The following TSPAN32 variants were observed in gnomAD, a reference collection of about 807,000 sequenced individuals.
TSPAN32 encodes tetraspanin-32.
Under a neutral mutation model 42.7 loss-of-function variants are expected in TSPAN32, and 47 were observed. That is an observed-to-expected ratio of 1.10 (90% CI 0.87 to 1.40). TSPAN32 has a LOEUF of 1.40. TSPAN32 is among the 40% of genes most tolerant of loss of function. TSPAN32 has a pLI of 0.00. For synonymous variants in TSPAN32, 175 were observed against 175.9 expected (o/e 0.99, Z 0.04); for missense variants, 469 against 424.1 (o/e 1.11, Z -0.93).
intron 2 of TSPAN32, 64 bp downstream of exon 2, chr11:2,303,022 G>A: frequency 1.4e-6 from 2 of 1,458,262 alleles, no homozygotes; most frequent in Non-Finnish European, 1.9e-6. Context: ...GCTGGCACGA[G>A]CCCAGCTGGA....
At position 2,316,245 on chromosome 11, in the gene TSPAN32, T is replaced by G; in HGVS notation, c.560T>G (p.Ile187Ser). The G allele has an allele frequency of 1.3e-6, 2 of 1,594,740 alleles. No individual in the cohort carries two copies. The highest frequency in any genetic ancestry group is 1.7e-6 in the Non-Finnish European group (2 of 1,172,138). The change falls in exon 7 of 10, where the codon ATC (isoleucine) becomes AGC (serine). Residue 187 changes from isoleucine to serine, a missense_variant. Ile to Ser is a moderately radical substitution (Grantham distance 142, BLOSUM62 -2). Coordinates refer to ENST00000182290, the MANE Select transcript of TSPAN32 (RefSeq NM_139022.3). ...CTCTCACAGGACTGCCTTCAGGGCA[T>G]CCGGAGCTTCCTGAGGACACACCAG... ...EAAREDCLQGIRSFLRTHQQV... is the reference protein window; with the variant it reads ...EAAREDCLQGSRSFLRTHQQV...
At chr11:2,302,271 G>T in intron 1 of TSPAN32, 56 bp downstream of exon 1, 1 of 1,339,312 alleles carries the variant, frequency 7.5e-7, no homozygotes, top group South Asian at 2.2e-5. Flanking sequence ...AGGGGTGAGG[G>T]GTGGCAGGGC....
At position 2,317,979 on chromosome 11, in the gene TSPAN32, C is replaced by T; in HGVS notation, c.*55C>T. On this transcript the variant is annotated 3_prime_UTR_variant, in exon 10 of 10. Coordinates refer to ENST00000182290, the MANE Select transcript of TSPAN32 (RefSeq NM_139022.3). The surrounding 1 kb of genome is among the most constrained non-coding windows in gnomAD (Gnocchi z 6.2). Reference sequence around the variant, plus strand: ...CTGGAGGCTCCGGGGAAGCATCTGCCTCCAGGACCATTCAGGCTGTTGACA... The same window carrying T: ...CTGGAGGCTCCGGGGAAGCATCTGCTTCCAGGACCATTCAGGCTGTTGACA... 1 of 768,708 alleles carries T rather than the reference C, an allele frequency of 1.3e-6. No individual in the cohort carries two copies. Among genetic ancestry groups the T allele is most frequent in the Non-Finnish European group, 2.4e-6 (1 of 424,532 alleles). 47.6% of individuals were successfully genotyped at this position (768,708 alleles called of 1,614,324 possible).
In TSPAN32 at chr11:2,317,497, C is replaced by T. The variant is rs759782726; in HGVS notation, c.873C>T (p.Pro291=). The change falls in exon 9 of 10, where the codon CCC becomes CCT. Residue 291 remains proline, a synonymous_variant. Coordinates refer to ENST00000182290, the MANE Select transcript of TSPAN32 (RefSeq NM_139022.3). The surrounding 1 kb of genome is among the most constrained non-coding windows in gnomAD (Gnocchi z 6.2). Reference sequence around the variant, plus strand: ...AGGAGAGCGATGCTGCGCCTCTGCCCCTCTCCTGCCACCTGGCTGCCCACA... The same window carrying T: ...AGGAGAGCGATGCTGCGCCTCTGCCTCTCTCCTGCCACCTGGCTGCCCACA... ...WLQESDAAPL[P]LSCHLAAHRA... 1.1e-5 allele frequency: 17 copies of T among 1,590,244 alleles called. No homozygotes were observed. The East Asian group carries it at 3.9e-4, about 36-fold the overall frequency.
At chr11:2,314,339 G>A (rs1848654327) in intron 5 of TSPAN32, 146 bp from the exon 6 acceptor site, 6 of 708,090 alleles carry the variant, frequency 8.5e-6, no homozygotes, top group Admixed American at 6.2e-5. Flanking sequence ...AGCCCCAGCA[G>A]AAGCAGCTGC....
At chr11:2,314,089 G>A (rs943398719) in intron 5 of TSPAN32, among the ~76,000 whole-genome samples, 4 of 151,290 alleles carry the variant, frequency 2.6e-5, no homozygotes, top group African/African-American at 4.9e-5. Flanking sequence ...GGAGGAGGTT[G>A]AGGCAGGTGA....
chr11:2,302,930 G>A lies in TSPAN32; in HGVS notation c.153G>A (p.Lys51=). ...TCATCCGCCGAGCGTCCCTGGAGAAGAACCCGTACCAGGCTGTGCACCAAT... is the reference window on the plus strand; with the variant it reads ...TCATCCGCCGAGCGTCCCTGGAGAAAAACCCGTACCAGGCTGTGCACCAAT... ...FAVIRRASLE[K]NPYQAVHQWA... is the part of the protein sequence containing the mutation. Residue 51 remains lysine (K), a synonymous_variant, in exon 2 of 10, where the codon AAG becomes AAA. Coordinates refer to ENST00000182290, the MANE Select transcript of TSPAN32 (RefSeq NM_139022.3). 1 of 1,613,686 alleles carries A rather than the reference G, an allele frequency of 6.2e-7. No individual in the cohort carries two copies. The highest frequency in any genetic ancestry group is 8.5e-7 in the Non-Finnish European group (1 of 1,179,836).
In TSPAN32 at chr11:2,304,267, C is replaced by G. The variant is rs1207308323; in HGVS notation, c.279+63C>G. 8.1e-7 allele frequency: 1 copy of G among 1,236,530 alleles called. No individual in the cohort carries two copies. The allele number at this position is 1,236,530 out of a possible 1,614,324, so 76.6% of individuals were successfully genotyped here. On this transcript the variant is annotated intron_variant, in intron 3 of 9. Coordinates refer to ENST00000182290, the MANE Select transcript of TSPAN32 (RefSeq NM_139022.3). This position sits in a 1 kb window ranked among gnomAD's most constrained non-coding sequence, Gnocchi z 4.8. ...AAAAGAATTAGAAAGGAGTGAAGAG[C>G]TGGCAGGGCTGTGTGCCACCCCCAC...
At chr11:2,308,627 C>G (rs545639076) in intron 3 of TSPAN32, 109 bp from the exon 4 acceptor site, 1 of 54,588 alleles carries the variant, frequency 1.8e-5, no homozygotes, top group Non-Finnish European at 3.6e-5. Flanking sequence ...CCATAGTGAC[C>G]GGCCCCCCAC....
In TSPAN32 at chr11:2,317,882, C is replaced by T. The variant is rs529106769; in HGVS notation, c.921C>T (p.Arg307=). The change falls in exon 10 of 10, where the codon CGC becomes CGT. Residue 307 remains arginine (R), a synonymous_variant. Coordinates refer to ENST00000182290, the MANE Select transcript of TSPAN32 (RefSeq NM_139022.3). The surrounding 1 kb of genome is among the most constrained non-coding windows in gnomAD (Gnocchi z 6.2). ...TCGCAGCTCTCCAGGGCAGAAGTCGCGGTGGGCTCAGTGGGTGCCCTGAGC... is the reference window on the plus strand; with the variant it reads ...TCGCAGCTCTCCAGGGCAGAAGTCGTGGTGGGCTCAGTGGGTGCCCTGAGC... The part of the protein sequence containing the change: ...AAHRALQGRS[R]GGLSGCPERG... 1.5e-5 allele frequency: 22 copies of T among 1,491,064 alleles called. No individual in the cohort carries two copies. The highest frequency in any genetic ancestry group is 4.5e-5 in the South Asian group (4 of 88,650). The allele number at this position is 1,491,064 out of a possible 1,614,324, so 92.4% of individuals were successfully genotyped here.
In TSPAN32 at chr11:2,304,269, G is replaced by C; in HGVS notation, c.279+65G>C. ...AAGAATTAGAAAGGAGTGAAGAGCT[G>C]GCAGGGCTGTGTGCCACCCCCACAC... On this transcript the variant is annotated intron_variant, in intron 3 of 9. Transcript: ENST00000182290. This position sits in a 1 kb window ranked among gnomAD's most constrained non-coding sequence, Gnocchi z 4.8. 1 of 1,246,038 alleles carries C rather than the reference G, an allele frequency of 8.0e-7. No homozygotes were observed. The highest frequency in any genetic ancestry group is 1.1e-6 in the Non-Finnish European group (1 of 913,960). 77.2% of individuals were successfully genotyped at this position (1,246,038 alleles called of 1,614,324 possible).
At chr11:2,306,046 CTGTGTG>C (rs56961357) in intron 3 of TSPAN32, among the ~76,000 whole-genome samples, 10 of 147,332 alleles carry the variant, frequency 6.8e-5, no homozygotes, top group Admixed American at 2.7e-4. Flanking sequence ...GCAGGTGCCT[CTGTGTG>C]TGTGTGTGTG....
rs932228713 is a variant in TSPAN32 at position 2,313,239 on chromosome 11, G to C, written c.355-415G>C. The stretch of plus-strand genomic sequence containing the variant: ...GATCTAGAATCCCCAAGCTTTCTGG[G>C]AGCTGAGGTCCTGGCACAGGGTCTC... On this transcript the variant is annotated intron_variant, in intron 4 of 9. Transcript: ENST00000182290. The surrounding 1 kb of genome is among the most constrained non-coding windows in gnomAD (Gnocchi z 9.1). 1.3e-5 allele frequency among the ~76,000 whole-genome samples: 2 copies of C among 152,188 alleles called. No homozygotes were observed. Among genetic ancestry groups the C allele is most frequent in the Non-Finnish European group, 2.9e-5 (2 of 68,036 alleles).
chr11:2,311,244 G>C (rs1345070392), intron 4 of TSPAN32, among the ~76,000 whole-genome samples: 4 of 152,170 alleles, frequency 2.6e-5, no homozygotes, highest in African/African-American at 9.6e-5. Context: ...GCCCAGAGCT[G>C]AAAGTGGGGT....
intron 4 of TSPAN32, among the ~76,000 whole-genome samples, chr11:2,310,437 G>A (rs909158483): frequency 3.3e-5 from 5 of 152,140 alleles, no homozygotes; most frequent in Non-Finnish European, 7.4e-5. Context: ...TGGCCCGTGC[G>A]CCCAGCTGCC....
At chr11:2,302,763 C>T (rs1247535354) in intron 1 of TSPAN32, 81 bp from the exon 2 acceptor site, 1 of 1,192,174 alleles carries the variant, frequency 8.4e-7, no homozygotes, top group East Asian at 2.5e-5. Flanking sequence ...TGGAGAGAGC[C>T]CCAACCCTGC....
chr11:2,310,519 T>C (rs1424803578), intron 4 of TSPAN32, among the ~76,000 whole-genome samples: 1 of 152,198 alleles, frequency 6.6e-6, no homozygotes, highest in East Asian at 1.9e-4. Flanking sequence ...GGGCCTCTGG[T>C]CCCCATCTGC....
Position 2,304,322 on chromosome 11 carries a change from C to T in TSPAN32, c.279+118C>T, listed in dbSNP as rs1033291891. ...GAGTGACCAGGCAGAACCAGAGGCC[C>T]CAGGGATGCTGGCCAGCCGAGACCC... On this transcript the variant is annotated intron_variant, in intron 3 of 9. Transcript: ENST00000182290. The surrounding 1 kb of genome is among the most constrained non-coding windows in gnomAD (Gnocchi z 4.8). The T allele has an allele frequency of 8.2e-6, 6 of 730,122 alleles. No individual in the cohort carries two copies. Among genetic ancestry groups the T allele is most frequent in the East Asian group, 2.9e-5 (1 of 33,930 alleles). 45.2% of individuals were successfully genotyped at this position (730,122 alleles called of 1,614,324 possible).
At position 2,308,409 on chromosome 11, in the gene TSPAN32, C is replaced by A. The variant is rs867443561; in HGVS notation, c.280-327C>A. Among the ~76,000 whole-genome samples the A allele has an allele frequency of 3.8e-3, 460 of 119,720 alleles. 5 individuals are homozygous for A. Among genetic ancestry groups the A allele is most frequent in the African/African-American group, 0.014 (443 of 31,266 alleles). The allele number at this position is 119,720 out of a possible 152,430, so 78.5% of individuals were successfully genotyped here. A position where few individuals can be genotyped will look rare whatever the true frequency, so the allele number is the denominator to read the frequency against. On this transcript the variant is annotated intron_variant, in intron 3 of 9. Coordinates refer to ENST00000182290, the MANE Select transcript of TSPAN32 (RefSeq NM_139022.3). ...CTGCCCCCACCCCCGCAGTGACCAC[C>A]CCCCCACAGTGACCGGCCCCCCGCA...
Sources: gnomAD v4.1 joint callset for allele counts (sites outside exome capture counted in the v4.1 genomes callset) on GRCh38, gnomAD v4.1.1 for gene constraint, Gnocchi (gnomAD v3.1) non-coding constraint, MANE v1.5 for transcripts, NCBI Gene and HGNC (gene_info 2026-07-23, HGNC 2026-07-21) for gene names.